The following TUBB2B variants were observed in gnomAD, a reference collection of about 807,000 sequenced individuals.
TUBB2B encodes tubulin beta-2B chain.
In TUBB2B, 5 loss-of-function variants were observed where a neutral mutation model predicts 35.0. The ratio of observed to expected loss-of-function variants is 0.14; its 90% confidence interval spans 0.07 to 0.30. The LOEUF is 0.30. Ranked by LOEUF, TUBB2B falls within the 10% of genes least tolerant of loss-of-function variation. The probability of loss-of-function intolerance (pLI) is 1.00; values close to 1 mark genes in which losing one functional copy is unlikely to be tolerated. For synonymous variants in TUBB2B, 166 were observed against 250.5 expected, an observed-to-expected ratio of 0.66 and a Z score of 3.18; for missense variants, 63 against 601.8, an observed-to-expected ratio of 0.10 and a Z score of 9.37.
At position 3,226,020 on chromosome 6, in the gene TUBB2B, C is replaced by T. The variant is rs1757283663; in HGVS notation, c.277+139G>A. Reference sequence around the variant, plus strand: ...AAGCTCTTAGCAGCTGAAAGGCAAACAATTTTACACTATATTAAAGCTAAG... The same window carrying T: ...AAGCTCTTAGCAGCTGAAAGGCAAATAATTTTACACTATATTAAAGCTAAG... On this transcript the variant is annotated intron_variant, in intron 3 of 3. Transcript: ENST00000259818. This position sits in a 1 kb window ranked among gnomAD's most constrained non-coding sequence, Gnocchi z 5.5. The T allele has an allele frequency of 7.7e-7, 1 of 1,305,958 alleles. No homozygotes were observed. The highest frequency in any genetic ancestry group is 1.3e-5 in the South Asian group (1 of 79,098). 80.9% of individuals were successfully genotyped at this position (1,305,958 alleles called of 1,614,324 possible).
chr6:3,225,665 C>G lies in TUBB2B; in HGVS notation c.424G>C (p.Gly142Arg), dbSNP rs774873878. 1.9e-6 allele frequency: 3 copies of G among 1,601,986 alleles called. No individual in the cohort carries two copies. In the South Asian group the frequency reaches 3.3e-5, roughly 18 times the overall value. The change falls in exon 4 of 4, where the codon GGC becomes CGC. Residue 142 changes from glycine (G) to arginine (R), a missense_variant. Gly to Arg is a moderately radical substitution (Grantham distance 125, BLOSUM62 -2). Transcript: ENST00000259818. ...GFQLTHSLGGGTGSGMGTLLI... is the reference protein window; with the variant it reads ...GFQLTHSLGGRTGSGMGTLLI... ...AGGGTGCCCATCCCGGACCCCGTGC[C>G]GCCCCCCAGAGAGTGGGTCAGCTGG...
At position 3,224,564 on chromosome 6, in the gene TUBB2B, T is replaced by A; in HGVS notation, c.*187A>T. ...ATTCAGAAATATCTCAAATGTTACA[T>A]TGATGTCATCAATATTACAAAAAAG... is the stretch of plus-strand genomic sequence containing the variant. On this transcript the variant is annotated 3_prime_UTR_variant, in exon 4 of 4. Transcript: ENST00000259818. The A allele has an allele frequency of 3.8e-6, 3 of 790,014 alleles. No homozygotes were observed. Among genetic ancestry groups the A allele is most frequent in the Non-Finnish European group, 5.8e-6 (3 of 516,726 alleles). 48.9% of individuals were successfully genotyped at this position (790,014 alleles called of 1,614,324 possible). A position where few individuals can be genotyped will look rare whatever the true frequency, so the allele number is the denominator to read the frequency against.
rs1757288781 is a variant in TUBB2B at position 3,226,456 on chromosome 6, G to A, written c.166+105C>T. The A allele has an allele frequency of 2.8e-5, 32 of 1,163,186 alleles. No homozygotes were observed. In the South Asian group the frequency reaches 3.8e-4, roughly 14 times the overall value. 72.1% of individuals were successfully genotyped at this position (1,163,186 alleles called of 1,614,324 possible). On this transcript the variant is annotated intron_variant, in intron 2 of 3. Coordinates refer to ENST00000259818, the MANE Select transcript of TUBB2B (RefSeq NM_178012.5). The surrounding 1 kb of genome is among the most constrained non-coding windows in gnomAD (Gnocchi z 5.5). ...AGGGAAAGAGCGGGGATCCTAAACT[G>A]AATAGTCCACCCTCTCCCAGGGCCA...
In TUBB2B at chr6:3,227,404, C is replaced by G. The variant is rs926801029; in HGVS notation, c.57+83G>C. On this transcript the variant is annotated intron_variant, in intron 1 of 3. Coordinates refer to ENST00000259818, the MANE Select transcript of TUBB2B (RefSeq NM_178012.5). The surrounding 1 kb of genome is among the most constrained non-coding windows in gnomAD (Gnocchi z 7.8). ...TGCATTTGGCGATCCCCAGGCCTTCCCAGGACCGCGCCTGGGGACCCCGAG... is the reference window on the plus strand; with the variant it reads ...TGCATTTGGCGATCCCCAGGCCTTCGCAGGACCGCGCCTGGGGACCCCGAG... 6.4e-7 allele frequency: 1 copy of G among 1,569,896 alleles called. No individual in the cohort carries two copies. Among genetic ancestry groups the G allele is most frequent in the African/African-American group, 1.4e-5 (1 of 73,932 alleles).
In TUBB2B at chr6:3,227,432, G is replaced by T. The variant is rs1757302795; in HGVS notation, c.57+55C>A. On this transcript the variant is annotated intron_variant, in intron 1 of 3. Transcript: ENST00000259818. This position sits in a 1 kb window ranked among gnomAD's most constrained non-coding sequence, Gnocchi z 7.8. Reference sequence around the variant, plus strand: ...GGACCGCGCCTGGGGACCCCGAGGGGCTCTCGGCCCAGGTTCGCGCCCCCA... The same window carrying T: ...GGACCGCGCCTGGGGACCCCGAGGGTCTCTCGGCCCAGGTTCGCGCCCCCA... 1.9e-6 allele frequency: 3 copies of T among 1,595,826 alleles called. No individual in the cohort carries two copies. The highest frequency in any genetic ancestry group is 1.1e-5 in the South Asian group (1 of 90,610).
In TUBB2B at chr6:3,226,340, C is replaced by A; in HGVS notation, c.167-71G>T. ...CAGAGAAGGGCTTGGCGCCTGCTGC[C>A]ATCATGCAGATGTTGCCCCAAACAA... On this transcript the variant is annotated intron_variant, in intron 2 of 3. Coordinates refer to ENST00000259818, the MANE Select transcript of TUBB2B (RefSeq NM_178012.5). The surrounding 1 kb of genome is among the most constrained non-coding windows in gnomAD (Gnocchi z 5.5). 2 of 1,380,584 alleles carry A rather than the reference C, an allele frequency of 1.4e-6. No homozygotes were observed. The highest frequency in any genetic ancestry group is 2.0e-6 in the Non-Finnish European group (2 of 976,604). 85.5% of individuals were successfully genotyped at this position (1,380,584 alleles called of 1,614,324 possible).
chr6:3,227,621 A>T lies in TUBB2B; in HGVS notation c.-78T>A. 1.3e-6 allele frequency: 2 copies of T among 1,575,978 alleles called. No individual in the cohort carries two copies. The highest frequency in any genetic ancestry group is 2.3e-5 in the South Asian group (2 of 88,586). ...CCCCTCACACACCCACTGCGGGGTC[A>T]CCGGGAAGGCGCTCGGGAACCGACG... On this transcript the variant is annotated 5_prime_UTR_variant, in exon 1 of 4. Coordinates refer to ENST00000259818, the MANE Select transcript of TUBB2B (RefSeq NM_178012.5). The surrounding 1 kb of genome is among the most constrained non-coding windows in gnomAD (Gnocchi z 7.8).
Position 3,226,731 on chromosome 6 carries a change from T to C in TUBB2B, c.58-62A>G, listed in dbSNP as rs1757291880. On this transcript the variant is annotated intron_variant, in intron 1 of 3. Transcript: ENST00000259818. This position sits in a 1 kb window ranked among gnomAD's most constrained non-coding sequence, Gnocchi z 5.5. ...CCCCCAGAAACGCCAAGGCTCACAA[T>C]GAAATGTCCCCGACTCAGTTCCGAC... 2 of 1,383,888 alleles carry C rather than the reference T, an allele frequency of 1.4e-6. No individual in the cohort carries two copies. The highest frequency in any genetic ancestry group is 1.4e-5 in the African/African-American group (1 of 70,426). The allele number at this position is 1,383,888 out of a possible 1,614,324, so 85.7% of individuals were successfully genotyped here.
Position 3,227,570 on chromosome 6 carries a change from C to T in TUBB2B, c.-27G>A, listed in dbSNP as rs1432758840. On this transcript the variant is annotated 5_prime_UTR_variant, in exon 1 of 4. Coordinates refer to ENST00000259818, the MANE Select transcript of TUBB2B (RefSeq NM_178012.5). The surrounding 1 kb of genome is among the most constrained non-coding windows in gnomAD (Gnocchi z 7.8). ...GTGCCTCGTCAGCGTCCTCCTGGTCCGGCGGCGTCTGGGTCTGTCCGTCCT... is the reference window on the plus strand; with the variant it reads ...GTGCCTCGTCAGCGTCCTCCTGGTCTGGCGGCGTCTGGGTCTGTCCGTCCT... The T allele has an allele frequency of 3.7e-6, 6 of 1,609,882 alleles. No individual in the cohort carries two copies. The highest frequency in any genetic ancestry group is 3.3e-5 in the South Asian group (3 of 90,918).
rs1344525593 is a variant in TUBB2B, at chr6:3,224,772, C to T, written c.1317G>A (p.Glu439=). 1.9e-6 allele frequency: 3 copies of T among 1,613,998 alleles called. No individual in the cohort carries two copies. The highest frequency in any genetic ancestry group is 2.2e-5 in the South Asian group (2 of 91,078). ...GCATCTACGCCTCGTCCTCGCCCTC[C>T]TCCTCCTCGAACTCCCCTTGTTCGT... ...TADEQGEFEE[E]EGEDEA The change falls in exon 4 of 4, where the codon GAG becomes GAA. Residue 439 remains glutamate, a synonymous_variant. Coordinates refer to ENST00000259818, the MANE Select transcript of TUBB2B (RefSeq NM_178012.5).
In TUBB2B at chr6:3,227,369, C is replaced by T; in HGVS notation, c.57+118G>A. 7.3e-7 allele frequency: 1 copy of T among 1,377,002 alleles called. No homozygotes were observed. The highest frequency in any genetic ancestry group is 1.3e-5 in the South Asian group (1 of 79,574). 85.3% of individuals were successfully genotyped at this position (1,377,002 alleles called of 1,614,324 possible). A position where few individuals can be genotyped will look rare whatever the true frequency, so the allele number is the denominator to read the frequency against. ...GCCACACTCGGCGGCACAAAGCGGC[C>T]AGGAAGGTCTGCATTTGGCGATCCC... On this transcript the variant is annotated intron_variant, in intron 1 of 3. Transcript: ENST00000259818. This position sits in a 1 kb window ranked among gnomAD's most constrained non-coding sequence, Gnocchi z 7.8.
Position 3,227,440 on chromosome 6 carries a change from C to G in TUBB2B, c.57+47G>C. 1 of 1,599,392 alleles carries G rather than the reference C, an allele frequency of 6.3e-7. No homozygotes were observed. Among genetic ancestry groups the G allele is most frequent in the Non-Finnish European group, 8.5e-7 (1 of 1,178,642 alleles). On this transcript the variant is annotated intron_variant, in intron 1 of 3. Transcript: ENST00000259818. The surrounding 1 kb of genome is among the most constrained non-coding windows in gnomAD (Gnocchi z 7.8). ...CCTGGGGACCCCGAGGGGCTCTCGG[C>G]CCAGGTTCGCGCCCCCATTGGACCC...
rs763337693 is a variant in TUBB2B at position 3,227,457 on chromosome 6, A to C, written c.57+30T>G. ...GCTCTCGGCCCAGGTTCGCGCCCCC[A>C]TTGGACCCCCTCCGCTGCGGCGCGC... On this transcript the variant is annotated intron_variant, in intron 1 of 3. Transcript: ENST00000259818. This position sits in a 1 kb window ranked among gnomAD's most constrained non-coding sequence, Gnocchi z 7.8. 1 of 1,603,258 alleles carries C rather than the reference A, an allele frequency of 6.2e-7. No homozygotes were observed. The highest frequency in any genetic ancestry group is 8.5e-7 in the Non-Finnish European group (1 of 1,179,346).
At position 3,226,357 on chromosome 6, in the gene TUBB2B, C is replaced by T; in HGVS notation, c.167-88G>A. 2 of 1,280,860 alleles carry T rather than the reference C, an allele frequency of 1.6e-6. No individual in the cohort carries two copies. Among genetic ancestry groups the T allele is most frequent in the South Asian group, 2.5e-5 (2 of 81,408 alleles). 79.3% of individuals were successfully genotyped at this position (1,280,860 alleles called of 1,614,324 possible). A position where few individuals can be genotyped will look rare whatever the true frequency, so the allele number is the denominator to read the frequency against. ...CCTGCTGCCATCATGCAGATGTTGCCCCAAACAAAGGGAGACCCACCATCA... is the reference window on the plus strand; with the variant it reads ...CCTGCTGCCATCATGCAGATGTTGCTCCAAACAAAGGGAGACCCACCATCA... On this transcript the variant is annotated intron_variant, in intron 2 of 3. Transcript: ENST00000259818. The surrounding 1 kb of genome is among the most constrained non-coding windows in gnomAD (Gnocchi z 5.5).
In TUBB2B at chr6:3,224,644, A is replaced by G; in HGVS notation, c.*107T>C. ...AGCACCAGAGACCCAGCGCACACCT[A>G]AAGTAGACCATGCTTCTTTCCTTCC... On this transcript the variant is annotated 3_prime_UTR_variant, in exon 4 of 4. Coordinates refer to ENST00000259818, the MANE Select transcript of TUBB2B (RefSeq NM_178012.5). The G allele has an allele frequency of 2.0e-6, 3 of 1,538,044 alleles. No individual in the cohort carries two copies. Among genetic ancestry groups the G allele is most frequent in the Non-Finnish European group, 1.8e-6 (2 of 1,135,662 alleles).
In TUBB2B at chr6:3,226,396, C is replaced by T; in HGVS notation, c.167-127G>A. On this transcript the variant is annotated intron_variant, in intron 2 of 3. Transcript: ENST00000259818. This position sits in a 1 kb window ranked among gnomAD's most constrained non-coding sequence, Gnocchi z 5.5. ...GACCCACCATCAGGTTCTCAAAGGG[C>T]TCTGTTGGCATAAGGAAGCCCAATG... 1 of 1,057,270 alleles carries T rather than the reference C, an allele frequency of 9.5e-7. No homozygotes were observed. The highest frequency in any genetic ancestry group is 1.9e-5 in the Admixed American group (1 of 51,548). The allele number at this position is 1,057,270 out of a possible 1,614,324, so 65.5% of individuals were successfully genotyped here. A position where few individuals can be genotyped will look rare whatever the true frequency, so the allele number is the denominator to read the frequency against.
chr6:3,227,195 C>A lies in TUBB2B; in HGVS notation c.57+292G>T, dbSNP rs1206147479. Among the ~76,000 whole-genome samples, 7 of 152,100 alleles carry A rather than the reference C, an allele frequency of 4.6e-5. No individual in the cohort carries two copies. The highest frequency in any genetic ancestry group is 1.0e-4 in the Non-Finnish European group (7 of 68,014). On this transcript the variant is annotated intron_variant, in intron 1 of 3. Coordinates refer to ENST00000259818, the MANE Select transcript of TUBB2B (RefSeq NM_178012.5). This position sits in a 1 kb window ranked among gnomAD's most constrained non-coding sequence, Gnocchi z 7.8. ...GCGCGGAGCGCCGCGCACAGCCTCGCGGACACACCCTCGTCTTCTCCAGGC... is the reference window on the plus strand; with the variant it reads ...GCGCGGAGCGCCGCGCACAGCCTCGAGGACACACCCTCGTCTTCTCCAGGC...
In TUBB2B at chr6:3,226,803, G is replaced by A. The variant is rs73349465; in HGVS notation, c.58-134C>T. On this transcript the variant is annotated intron_variant, in intron 1 of 3. Transcript: ENST00000259818. This position sits in a 1 kb window ranked among gnomAD's most constrained non-coding sequence, Gnocchi z 5.5. ...GAAGCTTTAAAGGGCGTCGTGACCC[G>A]GGCACAGCCGCGGGGCTTGTATTTT... 37,703 of 820,188 alleles carry A rather than the reference G, an allele frequency of 0.046. 6,532 individuals are homozygous for A. Among genetic ancestry groups the A allele is most frequent in the African/African-American group, 0.45 (27,102 of 59,890 alleles). The allele number at this position is 820,188 out of a possible 1,614,324, so 50.8% of individuals were successfully genotyped here. A position where few individuals can be genotyped will look rare whatever the true frequency, so the allele number is the denominator to read the frequency against.
In TUBB2B at chr6:3,224,478, G is replaced by A; in HGVS notation, c.*273C>T. 1 of 579,780 alleles carries A rather than the reference G, an allele frequency of 1.7e-6. No individual in the cohort carries two copies. The highest frequency in any genetic ancestry group is 3.0e-6 in the Non-Finnish European group (1 of 330,510). The allele number at this position is 579,780 out of a possible 1,614,324, so 35.9% of individuals were successfully genotyped here. ...AATCGTTAATAAAGAGAAAAAGGAA[G>A]AGAAAGAGAGGACACCATTCCGACA... On this transcript the variant is annotated 3_prime_UTR_variant, in exon 4 of 4. Coordinates refer to ENST00000259818, the MANE Select transcript of TUBB2B (RefSeq NM_178012.5).
Sources: allele counts gnomAD v4.1 joint callset (sites outside exome capture counted in the v4.1 genomes callset), GRCh38; gene constraint gnomAD v4.1.1; non-coding constraint Gnocchi (gnomAD v3.1); transcripts MANE v1.5; gene names NCBI Gene and HGNC (gene_info 2026-07-23, HGNC 2026-07-21).